ALG8: variants seen among roughly 807,000 people sequenced by gnomAD.
ALG8 encodes dolichyl pyrophosphate Glc1Man9GlcNAc2 alpha-1,3-glucosyltransferase.
In ALG8, 48 loss-of-function variants were observed where a neutral mutation model predicts 70.2. The observed-to-expected ratio is 0.68, with a 90% CI of 0.54 to 0.87. The LOEUF (loss-of-function observed/expected upper bound fraction) is 0.87, where lower values mean the gene tolerates loss of function less well. Ranked by LOEUF, ALG8 falls within the 40% of genes least tolerant of loss-of-function variation. The probability of loss-of-function intolerance (pLI) is 0.00; values close to 1 mark genes in which losing one functional copy is unlikely to be tolerated. For synonymous variants in ALG8, 234 were observed against 229.0 expected (o/e 1.02, Z -0.20); for missense variants, 572 against 608.7 (o/e 0.94, Z 0.64).
intron 5 of ALG8, among the ~76,000 whole-genome samples, chr11:78,118,630 A>C (rs950943130): frequency 5.9e-5 from 9 of 151,396 alleles, no homozygotes; most frequent in African/African-American, 1.2e-4. Flanking sequence ...AAAAAAAAAA[A>C]AAAAAAACAA....
At chr11:78,114,812 A>T in intron 5 of ALG8, 1 of 355,866 alleles carries the variant, frequency 2.8e-6, no homozygotes, top group South Asian at 2.3e-5. Flanking sequence ...CAAAAAAATA[A>T]AAAATAAAAA....
At chr11:78,115,309 C>T (rs1289453787) in intron 5 of ALG8, among the ~76,000 whole-genome samples, 1 of 152,048 alleles carries the variant, frequency 6.6e-6, no homozygotes, top group Non-Finnish European at 1.5e-5. Context: ...GCTGGGATTA[C>T]AGGCGTGAAC....
chr11:78,122,113 C>T (rs866542741), intron 3 of ALG8, among the ~76,000 whole-genome samples: 3 of 151,958 alleles, frequency 2.0e-5, no homozygotes, highest in Middle Eastern at 3.4e-3. Flanking sequence ...TATAAAAAGA[C>T]GATATTGAAA....
rs569171053 is a variant in ALG8 at position 78,125,312 on chromosome 11, G to A, written c.175-1098C>T. Among the ~76,000 whole-genome samples, 9 of 151,880 alleles carry A rather than the reference G, an allele frequency of 5.9e-5. No homozygotes were observed. In the South Asian group the frequency reaches 1.5e-3, roughly 25 times the overall value. On this transcript the variant is annotated intron_variant, in intron 2 of 12. Coordinates refer to ENST00000299626, the MANE Select transcript of ALG8 (RefSeq NM_024079.5). ...CTCCCAAAGTGCTGGGATTACAGGC[G>A]TGAGCCACCGCGCCCAGCCTAAGTC...
chr11:78,113,938 C>A lies in ALG8; in HGVS notation c.725G>T (p.Gly242Val). Reference protein sequence around the residue: ...SFSFVRVISLGLVVFLVSALS... With the variant: ...SFSFVRVISLVLVVFLVSALS... ...AGCAGAAACTAAGAAAACAACCAGT[C>A]CCAGGGAAATAACACGAACAAAGCT... Residue 242 changes from glycine (G) to valine (V), a missense_variant, in exon 7 of 13, where the codon GGA (glycine) becomes GTA (valine). Transcript: ENST00000299626. The A allele has an allele frequency of 6.2e-7, 1 of 1,606,110 alleles. No homozygotes were observed. The highest frequency in any genetic ancestry group is 1.7e-5 in the Admixed American group (1 of 58,996).
chr11:78,132,744 T>C (rs576149173), intron 1 of ALG8, among the ~76,000 whole-genome samples: 99 of 152,226 alleles, frequency 6.5e-4, no homozygotes, highest in African/African-American at 2.1e-3. Flanking sequence ...CCTCCAATGA[T>C]GTCAGTTCCT....
At chr11:78,121,555 G>GAA (rs372128580) in intron 3 of ALG8, among the ~76,000 whole-genome samples, 4 of 99,942 alleles carry the variant, frequency 4.0e-5, no homozygotes, top group Non-Finnish European at 4.3e-5. Flanking sequence ...CTTCTCACTA[G>GAA]AAAAAAAAAA....
At chr11:78,115,676 C>T (rs1038570964) in intron 5 of ALG8, among the ~76,000 whole-genome samples, 2 of 152,134 alleles carry the variant, frequency 1.3e-5, no homozygotes, top group Admixed American at 6.5e-5. Context: ...TGAGCCACTG[C>T]GACCAGCCCA....
chr11:78,124,345 G>A (rs1352391096), intron 2 of ALG8, 131 bp from the exon 3 acceptor site: 15 of 876,000 alleles, frequency 1.7e-5, no homozygotes, highest in Admixed American at 4.2e-5. Context: ...GCTCACACCT[G>A]TAACCCCAGC....
intron 1 of ALG8, chr11:78,137,205 C>T (rs1284439891): frequency 1.3e-5 from 2 of 152,260 alleles, no homozygotes. Flanking sequence ...AAAAGAACCT[C>T]TGCTAGCTTC....
chr11:78,134,124 A>G (rs1475919977), intron 1 of ALG8, among the ~76,000 whole-genome samples: 1 of 149,218 alleles, frequency 6.7e-6, no homozygotes, highest in Non-Finnish European at 1.5e-5. Context: ...GATTGGGGTG[A>G]CTTGTGGCAA....
intron 2 of ALG8, among the ~76,000 whole-genome samples, chr11:78,125,967 G>A (rs1345288866): frequency 6.6e-6 from 1 of 151,748 alleles, no homozygotes; most frequent in Non-Finnish European, 1.5e-5. Context: ...AGACCATCCT[G>A]GCTAATATGG....
chr11:78,132,599 T>C (rs1251170755), intron 1 of ALG8, among the ~76,000 whole-genome samples: 1 of 152,194 alleles, frequency 6.6e-6, no homozygotes, highest in Non-Finnish European at 1.5e-5. Flanking sequence ...ACTGGCCTTA[T>C]CATAGCTGCC....
chr11:78,102,223 A>G (rs114404838), intron 12 of ALG8, among the ~76,000 whole-genome samples: 2,024 of 152,316 alleles, frequency 0.013, 52 homozygotes, highest in African/African-American at 0.045. Flanking sequence ...ACCATTAACA[A>G]TAACTTCCCA....
At chr11:78,105,860 C>T (rs1303439242) in intron 10 of ALG8, among the ~76,000 whole-genome samples, 1 of 151,940 alleles carries the variant, frequency 6.6e-6, no homozygotes. Flanking sequence ...AGGCATGCAC[C>T]ACCATGCCTG....
intron 9 of ALG8, among the ~76,000 whole-genome samples, chr11:78,107,324 G>C (rs184798218): frequency 0.02 from 2,911 of 148,732 alleles, 105 homozygotes; most frequent in African/African-American, 0.067. Context: ...GGGTTCAAGC[G>C]ATTTTCCTGC....
intron 3 of ALG8, 59 bp from the exon 4 acceptor site, chr11:78,121,233 T>G (rs762415620): frequency 1.5e-5 from 17 of 1,166,514 alleles, no homozygotes; most frequent in Non-Finnish European, 1.9e-5. Context: ...GGAACATCAC[T>G]TCTGCAGAGT....
chr11:78,136,134 C>A lies in ALG8; in HGVS notation c.95+3360G>T, dbSNP rs78169294. 3.1e-3 allele frequency among the ~76,000 whole-genome samples: 471 copies of A among 152,024 alleles called. 3 individuals are homozygous for A. The highest frequency in any genetic ancestry group is 0.011 in the African/African-American group (454 of 41,470). The stretch of plus-strand genomic sequence containing the variant: ...GCAGTGAGCTGAGATCATACCAGTG[C>A]ACTCCAGCCTGACAAAGTGAAACAC... On this transcript the variant is annotated intron_variant, in intron 1 of 12. Transcript: ENST00000299626.
At chr11:78,135,347 C>A (rs1175568192) in intron 1 of ALG8, 17 of 138,530 alleles carry the variant, frequency 1.2e-4, no homozygotes, top group African/African-American at 5.4e-4. Flanking sequence ...AGAGTGAGAC[C>A]CTGTTTCAAA....
Sources: allele counts gnomAD v4.1 joint callset (sites outside exome capture counted in the v4.1 genomes callset), GRCh38; gene constraint gnomAD v4.1.1; transcripts MANE v1.5; gene names NCBI Gene and HGNC (gene_info 2026-07-23, HGNC 2026-07-21).